DCAF6: variants seen among roughly 807,000 people sequenced by gnomAD.
The protein encoded by DCAF6 is DDB1 and CUL4 associated factor 6.
In DCAF6, 54 loss-of-function variants were observed where a neutral mutation model predicts 125.1. The observed-to-expected ratio is 0.43, with a 90% confidence interval of 0.35 to 0.54. The LOEUF (loss-of-function observed/expected upper bound fraction) is 0.54. DCAF6 is among the 20% of genes least tolerant of loss of function. DCAF6 has a pLI of 0.01. For synonymous variants in DCAF6, 371 were observed against 390.4 expected, an observed-to-expected ratio of 0.95 and a Z score of 0.58; for missense variants, 934 against 1,161.7, an observed-to-expected ratio of 0.80 and a Z score of 2.85.
intron 10 of DCAF6, among the ~76,000 whole-genome samples, chr1:168,008,511 C>A (rs1213032851): frequency 6.6e-6 from 1 of 152,118 alleles, no homozygotes; most frequent in Non-Finnish European, 1.5e-5. Context: ...CCTAATTAAT[C>A]TGCCTGTACC....
At chr1:167,904,849 C>T in the DCAF6 span, 8 of 1,064,368 alleles carry the variant, frequency 7.5e-6, no homozygotes, top group Non-Finnish European at 1.1e-5. Flanking sequence ...TTTCCTCCCT[C>T]TTGTGTTCTC....
chr1:168,043,042 G>T lies in DCAF6; in HGVS notation c.1745G>T (p.Ser582Ile), dbSNP rs905197095. 1.2e-6 allele frequency: 2 copies of T among 1,612,214 alleles called. No homozygotes were observed. Among genetic ancestry groups the T allele is most frequent in the East Asian group, 2.2e-5 (1 of 44,838 alleles). ...FTDEWSSIAS[S>I]SRGIGSHCKS... ...GATGATAGGAGCAGTATAGCATCAAGTTCTAGAGGAATTGGGAGCCATTGC... is the reference window on the plus strand; with the variant it reads ...GATGATAGGAGCAGTATAGCATCAATTTCTAGAGGAATTGGGAGCCATTGC... The change falls in exon 14 of 22, where the codon AGT becomes ATT. Residue 582 changes from serine to isoleucine, a missense_variant. Physicochemically the swap from Ser to Ile is moderately radical, Grantham distance 142. Coordinates refer to ENST00000367840, the MANE Select transcript of DCAF6 (RefSeq NM_001198956.2).
intron 7 of DCAF6, among the ~76,000 whole-genome samples, chr1:168,000,744 G>A (rs935893629): frequency 4.0e-4 from 61 of 152,138 alleles, no homozygotes; most frequent in African/African-American, 1.3e-3. Flanking sequence ...AACCAAACAC[G>A]AAAGGCCATG....
chr1:167,930,912 C>T (rs1557856403), upstream of DCAF6, among the ~76,000 whole-genome samples: 2 of 152,196 alleles, frequency 1.3e-5, no homozygotes, highest in South Asian at 2.1e-4. Flanking sequence ...GGATAGCACA[C>T]AAAAAATATG....
At chr1:167,998,974 C>A (rs1682190085) in intron 7 of DCAF6, among the ~76,000 whole-genome samples, 1 of 152,014 alleles carries the variant, frequency 6.6e-6, no homozygotes, top group South Asian at 2.1e-4. Context: ...ATGGTCAATC[C>A]TTTCTAGGTT....
the DCAF6 span, chr1:167,880,279 T>A: frequency 7.8e-7 from 1 of 1,280,660 alleles, no homozygotes; most frequent in Non-Finnish European, 1.1e-6. Flanking sequence ...AATGTCTGGG[T>A]TGGGAAAGGG....
chr1:168,036,375 T>TAA, intron 12 of DCAF6, among the ~76,000 whole-genome samples: 1 of 152,354 alleles, frequency 6.6e-6, no homozygotes, highest in East Asian at 1.9e-4. Context: ...AATTCAGTCT[T>TAA]ACACTTCTCT....
chr1:167,993,683 A>G (rs1183717592), intron 7 of DCAF6, among the ~76,000 whole-genome samples: 1 of 152,084 alleles, frequency 6.6e-6, no homozygotes, highest in Non-Finnish European at 1.5e-5. Flanking sequence ...CGGGAGGCGG[A>G]GGTTGTGGTG....
rs534755993 is a variant in DCAF6 at position 167,955,578 on chromosome 1, C to CT, written c.159+3727dup. Among the ~76,000 whole-genome samples, 118 of 147,762 alleles carry CT rather than the reference C, an allele frequency of 8.0e-4. 1 individual carries two copies. The South Asian group carries it at 0.014, about 17-fold the overall frequency. The stretch of plus-strand genomic sequence containing the variant: ...TGAACTCTCATATTCATTCAAGTAG[C>CT]TTTTTTTTTTCCTTAAGATTTTATA... On this transcript the variant is annotated intron_variant, in intron 2 of 21. Coordinates refer to ENST00000367840, the MANE Select transcript of DCAF6 (RefSeq NM_001198956.2).
At chr1:167,971,265 G>T (rs780527480) in intron 3 of DCAF6, among the ~76,000 whole-genome samples, 4 of 152,086 alleles carry the variant, frequency 2.6e-5, no homozygotes, top group Non-Finnish European at 5.9e-5. Context: ...TTCCTGTCTT[G>T]TGGATAACTC....
intron 10 of DCAF6, among the ~76,000 whole-genome samples, chr1:168,011,964 C>T (rs1684356328): frequency 6.6e-6 from 1 of 151,890 alleles, no homozygotes; most frequent in East Asian, 1.9e-4. Context: ...CAGAGTGAGC[C>T]TCTGTCTCAG....
At chr1:167,989,572 G>A (rs1254998978) in intron 5 of DCAF6, among the ~76,000 whole-genome samples, 2 of 152,148 alleles carry the variant, frequency 1.3e-5, no homozygotes, top group Admixed American at 1.3e-4. Context: ...AAAGTATAAG[G>A]TTAAATTGAC....
chr1:168,009,366 CCTTCCTTCCTTCCTTCCTTCCTTT>C (rs1291678654), intron 10 of DCAF6, among the ~76,000 whole-genome samples: 2 of 140,700 alleles, frequency 1.4e-5, no homozygotes, highest in Non-Finnish European at 3.0e-5. Flanking sequence ...TTCCTTCCTT[CCTTCCTTCCTTCCTTCCTTCCTTT>C]CTTTCTTTCT....
In DCAF6 at chr1:168,046,622, A is replaced by G. The variant is rs112580171; in HGVS notation, c.2258+1395A>G. ...GTAATCTTGAGCATTCTTAGTATAT[A>G]TTTTAGGCAAGTAAGACTTAGTTCT... On this transcript the variant is annotated intron_variant, in intron 16 of 21. Transcript: ENST00000367840. Among the ~76,000 whole-genome samples, 448 of 152,258 alleles carry G rather than the reference A, an allele frequency of 2.9e-3. 1 individual carries two copies. Among genetic ancestry groups the G allele is most frequent in the African/African-American group, 0.01 (426 of 41,566 alleles).
intron 7 of DCAF6, chr1:167,998,730 A>G: frequency 6.6e-6 from 1 of 151,448 alleles, no homozygotes; most frequent in Middle Eastern, 9.1e-4. Flanking sequence ...ATAAGGAGCA[A>G]CTCCTTATCT....
the DCAF6 span, among the ~76,000 whole-genome samples, chr1:167,876,239 A>G: frequency 2.6e-5 from 4 of 151,356 alleles, no homozygotes; most frequent in East Asian, 7.8e-4. Context: ...CCTGGGCAAC[A>G]AAAGCAAAGC....
chr1:167,885,812 C>T, the DCAF6 span, among the ~76,000 whole-genome samples: 1 of 152,108 alleles, frequency 6.6e-6, no homozygotes, highest in Admixed American at 6.5e-5. Context: ...GACGGGGTTT[C>T]ACCATGTTGG....
At chr1:168,026,659 A>G (rs1686379309) in intron 12 of DCAF6, among the ~76,000 whole-genome samples, 2 of 152,248 alleles carry the variant, frequency 1.3e-5, no homozygotes, top group East Asian at 1.9e-4. Context: ...CAGCCAAGAT[A>G]GAGACTTTAG....
At chr1:168,059,602 G>A (rs987796667) in intron 17 of DCAF6, among the ~76,000 whole-genome samples, 15 of 152,112 alleles carry the variant, frequency 9.9e-5, no homozygotes, top group African/African-American at 3.6e-4. Context: ...GGTGAAAATT[G>A]TTTATCTTTA....
Sources: gnomAD v4.1 joint callset for allele counts (sites outside exome capture counted in the v4.1 genomes callset) on GRCh38, gnomAD v4.1.1 for gene constraint, MANE v1.5 for transcripts, NCBI Gene and HGNC (gene_info 2026-07-23, HGNC 2026-07-21) for gene names.